The following GRIN1 variants were observed in gnomAD, a reference collection of about 807,000 sequenced individuals.
GRIN1 encodes the protein glutamate receptor ionotropic, NMDA 1.
In GRIN1, 38 loss-of-function variants were observed where a neutral mutation model predicts 103.0. The ratio of observed to expected loss-of-function variants is 0.37; its 90% CI spans 0.28 to 0.48. The LOEUF (loss-of-function observed/expected upper bound fraction) is 0.48, where lower values mean the gene tolerates loss of function less well. Among genes scored for constraint, GRIN1 ranks in the 20% least tolerant of loss-of-function variants. The pLI, the probability that GRIN1 is intolerant of heterozygous loss-of-function variation, is 0.98. For synonymous variants in GRIN1, 544 were observed against 532.7 expected, an observed-to-expected ratio of 1.02 and a Z score of -0.29; for missense variants, 577 against 1,288.9, an observed-to-expected ratio of 0.45 and a Z score of 8.46.
intron 6 of GRIN1, 46 bp downstream of exon 6, chr9:137,157,083 G>C (rs752540589): frequency 2.6e-6 from 4 of 1,515,290 alleles, no homozygotes; most frequent in Non-Finnish European, 3.6e-6. Context: ...TCTTGGGGAG[G>C]TGGGCGGGGT....
At chr9:137,153,250 C>A (rs1000169516) in intron 4 of GRIN1, among the ~76,000 whole-genome samples, 6 of 151,524 alleles carry the variant, frequency 4.0e-5, no homozygotes, top group African/African-American at 1.5e-4. Context: ...CGTGTACACA[C>A]ATGCACCATG....
At position 137,162,452 on chromosome 9, in the gene GRIN1, A is replaced by G. The variant is rs1414474306; in HGVS notation, c.1800A>G (p.Ala600=). 3 of 1,610,710 alleles carry G rather than the reference A, an allele frequency of 1.9e-6. No homozygotes were observed. Among genetic ancestry groups the G allele is most frequent in the African/African-American group, 2.7e-5 (2 of 74,860 alleles). ...ACAGCGAGGAGGAGGAGGAGGACGC[A>G]CTGACCCTGTCCTCGGCCATGTGGT... ...KVNSEEEEED[A]LTLSSAMWFS... Residue 600 remains alanine (A), a synonymous_variant, in exon 13 of 20, where the codon GCA becomes GCG. Coordinates refer to ENST00000371561, the MANE Select transcript of GRIN1 (RefSeq NM_007327.4).
At chr9:137,147,461 CAT>C (rs1185283840) in intron 3 of GRIN1, among the ~76,000 whole-genome samples, 3 of 152,120 alleles carry the variant, frequency 2.0e-5, no homozygotes, top group Non-Finnish European at 4.4e-5. Context: ...CACGCACACA[CAT>C]GCACACACGC....
chr9:137,143,822 C>A (rs995435058), intron 2 of GRIN1, among the ~76,000 whole-genome samples: 3 of 152,210 alleles, frequency 2.0e-5, no homozygotes, highest in Non-Finnish European at 2.9e-5. Flanking sequence ...ACCACAAGAT[C>A]AGCAAGAGTC....
chr9:137,144,210 G>A (rs1424021644), intron 2 of GRIN1, among the ~76,000 whole-genome samples: 1 of 152,140 alleles, frequency 6.6e-6, no homozygotes, highest in Non-Finnish European at 1.5e-5. Context: ...CCCTTAGGGT[G>A]CTATGGGGCC....
chr9:137,153,913 G>A (rs1833058483), intron 4 of GRIN1, among the ~76,000 whole-genome samples: 1 of 151,828 alleles, frequency 6.6e-6, no homozygotes, highest in African/African-American at 2.4e-5. Context: ...TGGGATTCAA[G>A]CGATTCTCCT....
intron 4 of GRIN1, among the ~76,000 whole-genome samples, chr9:137,151,816 C>CCACCA (rs1832932090): frequency 6.6e-6 from 1 of 152,194 alleles, no homozygotes; most frequent in Non-Finnish European, 1.5e-5. Flanking sequence ...CAGGCACAAG[C>CCACCA]CACCACACCC....
chr9:137,147,655 G>A (rs760458486), intron 3 of GRIN1, among the ~76,000 whole-genome samples: 4 of 152,246 alleles, frequency 2.6e-5, no homozygotes, highest in Non-Finnish European at 4.4e-5. Context: ...GCGCATATGC[G>A]AGCCGAAGGG....
At chr9:137,148,922 T>G in intron 3 of GRIN1, 87 bp from the exon 4 acceptor site, 1 of 957,574 alleles carries the variant, frequency 1.0e-6, no homozygotes. Flanking sequence ...TGCCTCGGGG[T>G]TCCCAGCGGC....
Position 137,148,991 on chromosome 9 carries a change from C to T in GRIN1, c.571-18C>T, listed in dbSNP as rs1234676079. ...CCCCTGCCCCAGCCGCCTGCTAACACTCTTGCTCACACCGCAGGCAGAGAA... is the reference window on the plus strand; with the variant it reads ...CCCCTGCCCCAGCCGCCTGCTAACATTCTTGCTCACACCGCAGGCAGAGAA... On this transcript the variant is annotated intron_variant, in intron 3 of 19. Transcript: ENST00000371561. 1.3e-6 allele frequency: 2 copies of T among 1,585,546 alleles called. No homozygotes were observed. The highest frequency in any genetic ancestry group is 2.2e-5 in the South Asian group (2 of 89,338).
chr9:137,139,874 C>T lies in GRIN1; in HGVS notation c.258+130C>T, dbSNP rs977255783. 1 of 762,696 alleles carries T rather than the reference C, an allele frequency of 1.3e-6. No homozygotes were observed. The highest frequency in any genetic ancestry group is 1.6e-5 in the South Asian group (1 of 63,866). The allele number at this position is 762,696 out of a possible 1,614,324, so 47.2% of individuals were successfully genotyped here. ...ACACCACCCCAGAGTCAGCTGGCTG[C>T]TTCCGGGAGGCCTCGTCTCACTAGG... On this transcript the variant is annotated intron_variant, in intron 1 of 19. Coordinates refer to ENST00000371561, the MANE Select transcript of GRIN1 (RefSeq NM_007327.4). The surrounding 1 kb of genome is among the most constrained non-coding windows in gnomAD (Gnocchi z 7.7).
intron 4 of GRIN1, among the ~76,000 whole-genome samples, chr9:137,151,966 G>A (rs1038356505): frequency 7.0e-6 from 1 of 142,130 alleles, no homozygotes; most frequent in East Asian, 2.0e-4. Context: ...GAGTGCAGTG[G>A]CTCGATCTCG....
At chr9:137,163,698 G>C in intron 17 of GRIN1, 30 bp downstream of exon 17, 1 of 1,613,186 alleles carries the variant, frequency 6.2e-7, no homozygotes, top group African/African-American at 1.3e-5. Flanking sequence ...TTCTCGGGTG[G>C]GTTCTCCGTG....
At chr9:137,156,575 C>T in intron 4 of GRIN1, 94 bp from the exon 5 acceptor site, 1 of 1,510,172 alleles carries the variant, frequency 6.6e-7, no homozygotes, top group Non-Finnish European at 8.9e-7. Flanking sequence ...GGGGGCTGGG[C>T]AGGTCCCTGC....
At chr9:137,158,199 G>A (rs1833342740) in intron 6 of GRIN1, among the ~76,000 whole-genome samples, 180 bp from the exon 7 acceptor site, 1 of 152,204 alleles carries the variant, frequency 6.6e-6, no homozygotes, top group South Asian at 2.1e-4. Context: ...TCTGGCGTCT[G>A]CTGATCTTTC....
intron 4 of GRIN1, 88 bp downstream of exon 4, chr9:137,149,197 G>T: frequency 1.1e-6 from 1 of 937,540 alleles, no homozygotes; most frequent in Non-Finnish European, 1.7e-6. Flanking sequence ...GGACATTGTT[G>T]GGCACAGTGA....
chr9:137,148,337 G>C, intron 3 of GRIN1: 1 of 665,512 alleles, frequency 1.5e-6, no homozygotes, highest in Non-Finnish European at 2.6e-6. Flanking sequence ...AGGAGAGGCA[G>C]CCGGCAGCAG....
intron 19 of GRIN1, among the ~76,000 whole-genome samples, chr9:137,166,280 G>A (rs540587940): frequency 5.3e-5 from 8 of 152,314 alleles, no homozygotes; most frequent in Admixed American, 2.0e-4. Flanking sequence ...TCCCTGTAGC[G>A]GATATGCACA....
chr9:137,160,926 A>T, intron 8 of GRIN1, 130 bp from the exon 9 acceptor site: 3 of 1,189,130 alleles, frequency 2.5e-6, no homozygotes, highest in Non-Finnish European at 3.6e-6. Flanking sequence ...CCGGCGGCGC[A>T]GGGCGGGGGG....
Sources: gnomAD v4.1 joint callset for allele counts (sites outside exome capture counted in the v4.1 genomes callset) on GRCh38, gnomAD v4.1.1 for gene constraint, Gnocchi (gnomAD v3.1) non-coding constraint, MANE v1.5 for transcripts, NCBI Gene and HGNC (gene_info 2026-07-23, HGNC 2026-07-21) for gene names.